Variants in GRIA4 observed in about 807,000 individuals in gnomAD.
GRIA4 encodes glutamate receptor 4.
GRIA4 carries 34 observed loss-of-function variants against 104.0 expected under a neutral mutation model. The ratio of observed to expected loss-of-function variants is 0.33; its 90% CI spans 0.25 to 0.44. The LOEUF (loss-of-function observed/expected upper bound fraction) is 0.44, where lower values mean the gene tolerates loss of function less well. GRIA4 is among the 20% of genes least tolerant of loss of function. The probability of loss-of-function intolerance (pLI) is 1.00; values close to 1 mark genes in which losing one functional copy is unlikely to be tolerated. For synonymous variants in GRIA4, 386 were observed against 381.9 expected (o/e 1.01, Z -0.13); for missense variants, 750 against 1,096.5 (o/e 0.68, Z 4.46).
intron 9 of GRIA4, among the ~76,000 whole-genome samples, chr11:105,907,002 G>A (rs2136153173): frequency 6.6e-6 from 1 of 152,254 alleles, no homozygotes; most frequent in East Asian, 1.9e-4. Context: ...CATTTAAACA[G>A]AATATTTTAA....
At chr11:105,788,802 T>A (rs1942089151) in intron 4 of GRIA4, among the ~76,000 whole-genome samples, 1 of 152,154 alleles carries the variant, frequency 6.6e-6, no homozygotes, top group Admixed American at 6.6e-5. Context: ...CCACTGCTAG[T>A]CAATATCTCC....
chr11:105,805,491 A>C (rs1030149140), intron 4 of GRIA4, among the ~76,000 whole-genome samples: 9 of 151,078 alleles, frequency 6.0e-5, no homozygotes, highest in African/African-American at 9.7e-5. Flanking sequence ...AAAAAAAAAA[A>C]AAAAACAAGC....
At chr11:105,941,025 T>G (rs1389617380) in intron 14 of GRIA4, among the ~76,000 whole-genome samples, 2 of 152,188 alleles carry the variant, frequency 1.3e-5, no homozygotes, top group Non-Finnish European at 2.9e-5. Context: ...CTGAGATAAC[T>G]GACACAAATA....
At chr11:105,907,210 C>T (rs1947070837) in intron 9 of GRIA4, among the ~76,000 whole-genome samples, 1 of 152,100 alleles carries the variant, frequency 6.6e-6, no homozygotes, top group African/African-American at 2.4e-5. Flanking sequence ...CAAAGAGAAA[C>T]TTAAGGAGTA....
intron 6 of GRIA4, among the ~76,000 whole-genome samples, chr11:105,889,646 C>T (rs1303292837): frequency 6.6e-6 from 1 of 152,050 alleles, no homozygotes; most frequent in African/African-American, 2.4e-5. Flanking sequence ...AAATCAGGAA[C>T]AAGATAAGAG....
intron 4 of GRIA4, among the ~76,000 whole-genome samples, chr11:105,787,472 C>T (rs886929967): frequency 1.0e-5 from 1 of 98,610 alleles, no homozygotes; most frequent in African/African-American, 4.0e-5. Context: ...TAAAGAATTC[C>T]TTTTTTTTTT....
At chr11:105,792,269 T>C (rs1942247066) in intron 4 of GRIA4, among the ~76,000 whole-genome samples, 1 of 152,100 alleles carries the variant, frequency 6.6e-6, no homozygotes, top group African/African-American at 2.4e-5. Context: ...AGAACTTAAA[T>C]TATGTTAAAA....
At chr11:105,624,993 A>G (rs1950849273) in intron 3 of GRIA4, among the ~76,000 whole-genome samples, 1 of 152,164 alleles carries the variant, frequency 6.6e-6, no homozygotes, top group African/African-American at 2.4e-5. Context: ...AGTAGCACAG[A>G]GATACTGTGA....
At chr11:105,976,465 T>C (rs1858986825) in intron 16 of GRIA4, among the ~76,000 whole-genome samples, 2 of 123,198 alleles carry the variant, frequency 1.6e-5, no homozygotes, top group Admixed American at 8.9e-5. Context: ...GAGGTAGATT[T>C]GAACATTTAA....
intron 14 of GRIA4, among the ~76,000 whole-genome samples, chr11:105,934,686 A>C (rs1401683849): frequency 6.6e-6 from 1 of 152,182 alleles, no homozygotes; most frequent in Non-Finnish European, 1.5e-5. Context: ...GTGTGGATTA[A>C]GTGAGACTTT....
chr11:105,748,281 G>A (rs1017576924), intron 3 of GRIA4, among the ~76,000 whole-genome samples: 1 of 152,100 alleles, frequency 6.6e-6, no homozygotes, highest in South Asian at 2.1e-4. Context: ...GCCTCATTAC[G>A]TCACCTGGGC....
intron 3 of GRIA4, among the ~76,000 whole-genome samples, chr11:105,722,651 C>A (rs776608971): frequency 6.6e-6 from 1 of 152,082 alleles, no homozygotes; most frequent in Non-Finnish European, 1.5e-5. Context: ...TTAATACCTT[C>A]TCTACTTTCT....
intron 3 of GRIA4, among the ~76,000 whole-genome samples, chr11:105,639,813 A>G (rs78900106): frequency 6.6e-6 from 1 of 151,976 alleles, no homozygotes; most frequent in Non-Finnish European, 1.5e-5. Flanking sequence ...GTTCCATAGT[A>G]ACCTTACTGA....
chr11:105,816,438 T>A (rs1943378165), intron 4 of GRIA4, among the ~76,000 whole-genome samples: 1 of 152,082 alleles, frequency 6.6e-6, no homozygotes, highest in Non-Finnish European at 1.5e-5. Context: ...AAGTGTGTAC[T>A]ACCTCACCCC....
chr11:105,887,140 T>C (rs781074205), intron 5 of GRIA4, among the ~76,000 whole-genome samples: 12 of 152,120 alleles, frequency 7.9e-5, no homozygotes, highest in Non-Finnish European at 1.6e-4. Context: ...CTATCTTCCA[T>C]TTTTATAAAT....
chr11:105,762,851 TAC>T (rs1256565815), intron 4 of GRIA4, among the ~76,000 whole-genome samples: 15 of 152,236 alleles, frequency 9.9e-5, no homozygotes, highest in Non-Finnish European at 1.9e-4. Context: ...CTTTATAAAT[TAC>T]CCAGTCTGGG....
chr11:105,622,864 A>G, intron 3 of GRIA4, among the ~76,000 whole-genome samples: 1 of 151,738 alleles, frequency 6.6e-6, no homozygotes, highest in African/African-American at 2.4e-5. Context: ...AGAGTCTACA[A>G]TGTCTATTAG....
In GRIA4 at chr11:105,881,672, C is replaced by A. The variant is rs564219876; in HGVS notation, c.673-5847C>A. On this transcript the variant is annotated intron_variant, in intron 5 of 16. Transcript: ENST00000282499. Reference sequence around the variant, plus strand: ...AATTAGAAACTTCCATAATTTCTGACGTCTCCAAGTATAGAAGAAAATAAA... The same window carrying A: ...AATTAGAAACTTCCATAATTTCTGAAGTCTCCAAGTATAGAAGAAAATAAA... Among the ~76,000 whole-genome samples the A allele has an allele frequency of 2.0e-5, 3 of 152,122 alleles. No homozygotes were observed. In the East Asian group the frequency reaches 5.8e-4, roughly 29 times the overall value.
At position 105,844,324 on chromosome 11, in the gene GRIA4, A is replaced by C. The variant is rs143742252; in HGVS notation, c.488-17700A>C. Among the ~76,000 whole-genome samples the C allele has an allele frequency of 3.9e-5, 6 of 152,334 alleles. No individual in the cohort carries two copies. The East Asian group carries it at 1.2e-3, about 29-fold the overall frequency. ...TTATTCTGTGGACAAATAGTCCATT[A>C]TTAAATATGCCAAATGGTTTTCTTT... On this transcript the variant is annotated intron_variant, in intron 4 of 16. Transcript: ENST00000282499.
Sources: allele counts gnomAD v4.1 joint callset (sites outside exome capture counted in the v4.1 genomes callset), GRCh38; gene constraint gnomAD v4.1.1; transcripts MANE v1.5; gene names NCBI Gene and HGNC (gene_info 2026-07-23, HGNC 2026-07-21).